The following SPAG16 variants were observed in gnomAD, a reference collection of about 807,000 sequenced individuals.
SPAG16 encodes the protein sperm-associated antigen 16 protein.
SPAG16 carries 86 observed loss-of-function variants against 80.4 expected under a neutral mutation model. The ratio of observed to expected loss-of-function variants is 1.07; its 90% CI spans 0.90 to 1.28. SPAG16 has a LOEUF of 1.28. Ranked by LOEUF, SPAG16 falls within the 50% of genes most tolerant of loss-of-function variation. The pLI, the probability that SPAG16 is intolerant of heterozygous loss-of-function variation, is 0.00. For synonymous variants in SPAG16, 294 were observed against 265.9 expected, an observed-to-expected ratio of 1.11 and a Z score of -1.03; for missense variants, 870 against 765.3, an observed-to-expected ratio of 1.14 and a Z score of -1.61.
At chr2:213,870,391 G>A (rs1176078676) in intron 11 of SPAG16, among the ~76,000 whole-genome samples, 2 of 152,046 alleles carry the variant, frequency 1.3e-5, no homozygotes, top group Non-Finnish European at 1.5e-5. Context: ...CTGAATTTAT[G>A]TATTATGTAT....
intron 15 of SPAG16, among the ~76,000 whole-genome samples, chr2:214,408,241 T>G (rs1185601943): frequency 6.6e-6 from 1 of 152,192 alleles, no homozygotes; most frequent in Non-Finnish European, 1.5e-5. Context: ...CTGTTTCGTT[T>G]TGTTTGGTTT....
chr2:214,243,531 CTT>C, intron 15 of SPAG16, among the ~76,000 whole-genome samples: 1 of 151,894 alleles, frequency 6.6e-6, no homozygotes, highest in South Asian at 2.1e-4. Context: ...TTTATAATAT[CTT>C]TGATATATAA....
intron 13 of SPAG16, among the ~76,000 whole-genome samples, chr2:214,044,871 A>G (rs1185334905): frequency 6.6e-6 from 1 of 152,192 alleles, no homozygotes. Context: ...GGAATTGCCC[A>G]TCCCAGTGGT....
At chr2:213,739,388 A>C (rs1276292853) in intron 10 of SPAG16, among the ~76,000 whole-genome samples, 1 of 152,220 alleles carries the variant, frequency 6.6e-6, no homozygotes, top group Non-Finnish European at 1.5e-5. Flanking sequence ...TCTCAAATGC[A>C]CATCTGTTAC....
At chr2:213,946,133 G>GTGATGGA (rs1442304759) in intron 12 of SPAG16, among the ~76,000 whole-genome samples, 3 of 151,992 alleles carry the variant, frequency 2.0e-5, no homozygotes, top group Non-Finnish European at 4.4e-5. Flanking sequence ...TTTTTTGTGT[G>GTGATGGA]TGATGGAGTC....
chr2:214,118,890 G>A (rs2054079056), intron 14 of SPAG16, among the ~76,000 whole-genome samples: 1 of 151,434 alleles, frequency 6.6e-6, no homozygotes, highest in Non-Finnish European at 1.5e-5. Context: ...GCTGCAAATA[G>A]CCAAAGCAAT....
At position 214,134,948 on chromosome 2, in the gene SPAG16, G is replaced by A. The variant is rs553395494; in HGVS notation, c.1594-14192G>A. Among the ~76,000 whole-genome samples the A allele has an allele frequency of 4.0e-4, 61 of 152,216 alleles. 1 individual carries two copies. Among genetic ancestry groups the A allele is most frequent in the African/African-American group, 1.4e-3 (57 of 41,524 alleles). ...CTGCTTTGTGCTCTGACATTGTGCC[G>A]TTTTCGATAAAAATGACACCTTCCT... On this transcript the variant is annotated intron_variant, in intron 14 of 15. Transcript: ENST00000331683.
chr2:214,088,350 CATCA>C (rs2051925395), intron 13 of SPAG16, among the ~76,000 whole-genome samples: 3 of 63,744 alleles, frequency 4.7e-5, no homozygotes, highest in Admixed American at 3.2e-4. Context: ...TGAAAGAGCT[CATCA>C]GATACAGGTG....
chr2:214,175,856 TAA>T (rs1459657675), intron 15 of SPAG16, among the ~76,000 whole-genome samples: 1 of 151,460 alleles, frequency 6.6e-6, no homozygotes, highest in Non-Finnish European at 1.5e-5. Flanking sequence ...CTTCAGTAGT[TAA>T]GTTTCTTTAT....
chr2:214,310,163 T>C (rs1695187363), intron 15 of SPAG16, among the ~76,000 whole-genome samples: 1 of 128,270 alleles, frequency 7.8e-6, no homozygotes, highest in Admixed American at 8.3e-5. Context: ...TTTTCTTTCT[T>C]TCTTTTTTTT....
At chr2:214,211,662 C>A (rs1403991886) in intron 15 of SPAG16, among the ~76,000 whole-genome samples, 2 of 152,174 alleles carry the variant, frequency 1.3e-5, no homozygotes, top group African/African-American at 2.4e-5. Context: ...GCAACCAAGA[C>A]TGAGAAAGCC....
At chr2:213,511,274 C>A (rs996400180) in intron 10 of SPAG16, among the ~76,000 whole-genome samples, 2 of 152,050 alleles carry the variant, frequency 1.3e-5, no homozygotes, top group Admixed American at 6.6e-5. Context: ...TAACTAGATT[C>A]TTTGAGCTAG....
At chr2:213,334,237 A>G (rs1158171424) in intron 5 of SPAG16, among the ~76,000 whole-genome samples, 1 of 152,172 alleles carries the variant, frequency 6.6e-6, no homozygotes, top group African/African-American at 2.4e-5. Flanking sequence ...TCAGGCAAAT[A>G]TCAGTCAAAA....
At chr2:213,551,420 TTA>T (rs2076775969) in intron 10 of SPAG16, among the ~76,000 whole-genome samples, 1 of 152,238 alleles carries the variant, frequency 6.6e-6, no homozygotes, top group African/African-American at 2.4e-5. Context: ...CTATTTGCAT[TTA>T]TAGTGTAAAT....
At chr2:213,361,955 G>A (rs886802242) in intron 7 of SPAG16, among the ~76,000 whole-genome samples, 4 of 152,046 alleles carry the variant, frequency 2.6e-5, no homozygotes, top group Non-Finnish European at 5.9e-5. Flanking sequence ...GGTTTTTATT[G>A]CGGTTGGGGG....
chr2:213,687,247 T>G (rs2064724504), intron 10 of SPAG16, among the ~76,000 whole-genome samples: 1 of 152,178 alleles, frequency 6.6e-6, no homozygotes, highest in African/African-American at 2.4e-5. Flanking sequence ...TTGTCATGCA[T>G]ATTATTGTAT....
chr2:213,572,615 G>T (rs1472312286), intron 10 of SPAG16, among the ~76,000 whole-genome samples: 3 of 152,108 alleles, frequency 2.0e-5, no homozygotes, highest in Admixed American at 6.5e-5. Flanking sequence ...CCAGCTGCGT[G>T]CTGGGAGAAC....
At chr2:213,328,376 T>G (rs1006879549) in intron 5 of SPAG16, among the ~76,000 whole-genome samples, 5 of 152,208 alleles carry the variant, frequency 3.3e-5, no homozygotes, top group Admixed American at 2.0e-4. Flanking sequence ...CAAAACAATT[T>G]ATCTCTTCTA....
chr2:214,303,394 C>G (rs1477766242), intron 15 of SPAG16, among the ~76,000 whole-genome samples: 2 of 152,130 alleles, frequency 1.3e-5, no homozygotes, highest in South Asian at 4.1e-4. Flanking sequence ...TTACTTGTGT[C>G]AGGATATAAA....
Sources: allele counts gnomAD v4.1 joint callset (sites outside exome capture counted in the v4.1 genomes callset), GRCh38; gene constraint gnomAD v4.1.1; transcripts MANE v1.5; gene names NCBI Gene and HGNC (gene_info 2026-07-23, HGNC 2026-07-21).